The following AFF3 variants were observed in gnomAD, a reference collection of about 807,000 sequenced individuals.
The protein encoded by AFF3 is ALF transcription elongation factor 3.
A neutral mutation model predicts 129.7 loss-of-function variants in AFF3; 32 were observed. That is an observed-to-expected ratio of 0.25 (90% CI 0.19 to 0.33). AFF3 has a LOEUF of 0.33. AFF3 is among the 10% of genes least tolerant of loss of function. The pLI, the probability that AFF3 is intolerant of heterozygous loss-of-function variation, is 1.00. For synonymous variants in AFF3, 644 were observed against 635.4 expected (o/e 1.01, Z -0.20); for missense variants, 1,373 against 1,592.0 (o/e 0.86, Z 2.34).
At chr2:99,924,846 T>C (rs996837299) in intron 7 of AFF3, among the ~76,000 whole-genome samples, 2 of 152,112 alleles carry the variant, frequency 1.3e-5, no homozygotes, top group South Asian at 2.1e-4. Flanking sequence ...TTAATTTTCC[T>C]GTGTCCATAC....
Position 99,748,581 on chromosome 2 carries a change from T to C in AFF3, c.1002+3640A>G, listed in dbSNP as rs1343769300. Among the ~76,000 whole-genome samples, 6 of 152,252 alleles carry C rather than the reference T, an allele frequency of 3.9e-5. No homozygotes were observed. In the East Asian group the frequency reaches 1.2e-3, roughly 29 times the overall value. ...CTGGAATGCTCATCCTGCTGCTTTC[T>C]GTTTCCTGCCTGGCAAATTTCATTC... On this transcript the variant is annotated intron_variant, in intron 9 of 24. Coordinates refer to ENST00000672756, the MANE Select transcript of AFF3 (RefSeq NM_001386135.1).
intron 16 of AFF3, among the ~76,000 whole-genome samples, chr2:99,583,230 G>A (rs2104840297): frequency 6.6e-6 from 1 of 152,260 alleles, no homozygotes; most frequent in South Asian, 2.1e-4. Flanking sequence ...TCTGGAGCCA[G>A]CACCAAAGTA....
chr2:99,896,338 C>T (rs1693943333), intron 7 of AFF3, among the ~76,000 whole-genome samples: 5 of 152,062 alleles, frequency 3.3e-5, no homozygotes. Flanking sequence ...GCTTCCCCAT[C>T]TAAAGACTCA....
At chr2:100,117,872 T>C (rs1343091855) in intron 2 of AFF3, among the ~76,000 whole-genome samples, 1 of 152,218 alleles carries the variant, frequency 6.6e-6, no homozygotes, top group Non-Finnish European at 1.5e-5. Flanking sequence ...GGGACATGTA[T>C]ACTTTCAAGA....
intron 11 of AFF3, among the ~76,000 whole-genome samples, chr2:99,700,214 G>A (rs1261899755): frequency 1.3e-5 from 2 of 152,150 alleles, no homozygotes; most frequent in Non-Finnish European, 2.9e-5. Context: ...TCCGCCTGCC[G>A]GGTTCATGCG....
In AFF3 at chr2:99,973,171, T is replaced by C. The variant is rs543943168; in HGVS notation, c.873+33461A>G. 3.3e-5 allele frequency among the ~76,000 whole-genome samples: 5 copies of C among 152,358 alleles called. No homozygotes were observed. In the East Asian group the frequency reaches 9.6e-4, roughly 29 times the overall value. ...CAGCTGTTCTCCACTGAGTGCTCAC[T>C]GTAGAGAAAGTTGCTCTTCTTTTTC... On this transcript the variant is annotated intron_variant, in intron 7 of 24. Transcript: ENST00000672756.
intron 1 of AFF3, among the ~76,000 whole-genome samples, chr2:100,141,689 A>G (rs1692884094): frequency 6.6e-6 from 1 of 152,234 alleles, no homozygotes; most frequent in African/African-American, 2.4e-5. Context: ...TAGCAAGGAA[A>G]TCACATATTA....
In AFF3 at chr2:100,104,490, C is replaced by A; in HGVS notation, c.-36G>T. On this transcript the variant is annotated 5_prime_UTR_variant, in exon 4 of 25. Coordinates refer to ENST00000672756, the MANE Select transcript of AFF3 (RefSeq NM_001386135.1). ...GTCAGCGTCGCCGCCGCCGCTACCG[C>A]CGCCGCCGAGGCTCGGGCCGCCCGC... The A allele has an allele frequency of 7.7e-7, 1 of 1,303,808 alleles. No homozygotes were observed. The highest frequency in any genetic ancestry group is 1.0e-6 in the Non-Finnish European group (1 of 1,000,912). The allele number at this position is 1,303,808 out of a possible 1,614,324, so 80.8% of individuals were successfully genotyped here.
At position 99,551,608 on chromosome 2, in the gene AFF3, A is replaced by C; in HGVS notation, c.3560-13T>G. 6.2e-7 allele frequency: 1 copy of C among 1,613,952 alleles called. No individual in the cohort carries two copies. Among genetic ancestry groups the C allele is most frequent in the South Asian group, 1.1e-5 (1 of 91,064 alleles). The stretch of plus-strand genomic sequence containing the variant: ...TCGTTGAAGAATTCTAGGGGGACAG[A>C]AAGAGTTGTTAAGAATGCCACACAT... On this transcript the variant is annotated splice_polypyrimidine_tract_variant and intron_variant, in intron 24 of 24. Transcript: ENST00000672756.
At chr2:99,949,761 G>T (rs1272521254) in intron 7 of AFF3, among the ~76,000 whole-genome samples, 1 of 152,226 alleles carries the variant, frequency 6.6e-6, no homozygotes, top group African/African-American at 2.4e-5. Context: ...TTGCTCACTT[G>T]CCAGCTACTC....
At chr2:99,734,732 A>G (rs1680109307) in intron 10 of AFF3, among the ~76,000 whole-genome samples, 2 of 152,104 alleles carry the variant, frequency 1.3e-5, no homozygotes, top group South Asian at 2.1e-4. Context: ...ATTATGAGTT[A>G]TATTTTAAAA....
At chr2:99,995,744 A>G (rs1261432405) in intron 7 of AFF3, among the ~76,000 whole-genome samples, 2 of 152,190 alleles carry the variant, frequency 1.3e-5, no homozygotes, top group East Asian at 3.8e-4. Context: ...ACAAAGGAAG[A>G]GAGAGAGATA....
chr2:99,694,952 A>G (rs114003606), intron 11 of AFF3, among the ~76,000 whole-genome samples: 4,414 of 152,122 alleles, frequency 0.029, 198 homozygotes, highest in African/African-American at 0.098. Flanking sequence ...ATCCACCCAT[A>G]TTGGCCTCCC....
chr2:99,715,102 C>T (rs1402377054), intron 11 of AFF3, among the ~76,000 whole-genome samples: 2 of 152,234 alleles, frequency 1.3e-5, no homozygotes, highest in Non-Finnish European at 2.9e-5. Context: ...GGTAAAGCCA[C>T]ACGCTTCTTG....
At chr2:99,563,390 T>C (rs1675662551) in intron 20 of AFF3, among the ~76,000 whole-genome samples, 2 of 151,350 alleles carry the variant, frequency 1.3e-5, no homozygotes, top group South Asian at 4.2e-4. Context: ...CGGGGTTTCA[T>C]CGTATTAGCC....
chr2:99,999,089 A>G (rs1053564627), intron 7 of AFF3, among the ~76,000 whole-genome samples: 4 of 152,198 alleles, frequency 2.6e-5, no homozygotes, highest in Admixed American at 2.6e-4. Context: ...ACTTCTGCTC[A>G]TGAAAATCAA....
chr2:99,989,374 T>A (rs761317255), intron 7 of AFF3, among the ~76,000 whole-genome samples: 1 of 152,336 alleles, frequency 6.6e-6, no homozygotes, highest in African/African-American at 2.4e-5. Context: ...CATTTCAACA[T>A]ATAAAATACA....
intron 11 of AFF3, among the ~76,000 whole-genome samples, chr2:99,708,957 A>C (rs1356643895): frequency 6.6e-6 from 1 of 152,190 alleles, no homozygotes; most frequent in African/African-American, 2.4e-5. Flanking sequence ...CTTAAACTGG[A>C]CTTTAAATTC....
chr2:99,968,836 C>G (rs1678054061), intron 7 of AFF3, among the ~76,000 whole-genome samples: 1 of 152,334 alleles, frequency 6.6e-6, no homozygotes. Context: ...TTTCACCTCC[C>G]TCTACCTCTC....
Sources: allele counts gnomAD v4.1 joint callset (sites outside exome capture counted in the v4.1 genomes callset), GRCh38; gene constraint gnomAD v4.1.1; transcripts MANE v1.5; gene names NCBI Gene and HGNC (gene_info 2026-07-23, HGNC 2026-07-21).